Variants in STK3 observed in about 807,000 individuals in gnomAD.
STK3 encodes serine/threonine-protein kinase 3.
STK3 carries 41 observed loss-of-function variants against 58.0 expected under a neutral mutation model. The observed-to-expected ratio is 0.71, with a 90% CI of 0.55 to 0.92. The LOEUF (loss-of-function observed/expected upper bound fraction) is 0.92, where lower values mean the gene tolerates loss of function less well. STK3 is among the 40% of genes least tolerant of loss of function. The probability of loss-of-function intolerance (pLI) is 0.00; values close to 1 mark genes in which losing one functional copy is unlikely to be tolerated. For missense variants in STK3, 479 were observed against 602.7 expected (o/e 0.79, Z 2.15); for synonymous variants, 170 against 191.0 (o/e 0.89, Z 0.91).
intron 10 of STK3, among the ~76,000 whole-genome samples, chr8:98,477,727 G>GGGGGGGGGGGC (rs1821484739): frequency 9.7e-6 from 1 of 102,914 alleles, no homozygotes; most frequent in Non-Finnish European, 2.1e-5. Context: ...TGGGCGGGGG[G>GGGGGGGGGGGC]GGGCCCTAAT....
intron 4 of STK3, among the ~76,000 whole-genome samples, chr8:98,745,179 C>T (rs553423584): frequency 6.6e-6 from 1 of 152,164 alleles, no homozygotes; most frequent in East Asian, 1.9e-4. Flanking sequence ...TATGTTTTAC[C>T]AAAAAAGCTT....
At chr8:98,398,277 C>T (rs1279863836), downstream of STK3, among the ~76,000 whole-genome samples, 1 of 152,006 alleles carries the variant, frequency 6.6e-6, no homozygotes, top group Non-Finnish European at 1.5e-5. Flanking sequence ...CCATTCCTAC[C>T]CAAAGCTTTG....
chr8:98,699,776 G>C (rs1459578733), intron 6 of STK3, among the ~76,000 whole-genome samples: 2 of 152,188 alleles, frequency 1.3e-5, no homozygotes, highest in Non-Finnish European at 2.9e-5. Flanking sequence ...GCCCCTACTT[G>C]GGGGTGCCTC....
intron 1 of STK3, among the ~76,000 whole-genome samples, chr8:98,803,723 C>A (rs1587665445): frequency 6.6e-6 from 1 of 151,276 alleles, no homozygotes; most frequent in African/African-American, 2.4e-5. Context: ...GAAACTAATA[C>A]TTCTAAAATG....
At chr8:98,797,654 C>A (rs1479313947) in intron 1 of STK3, among the ~76,000 whole-genome samples, 1 of 152,176 alleles carries the variant, frequency 6.6e-6, no homozygotes, top group East Asian at 1.9e-4. Context: ...TCAAACTGCA[C>A]ACTTAGAGAA....
intron 6 of STK3, among the ~76,000 whole-genome samples, chr8:98,661,370 C>T (rs1293790885): frequency 6.6e-6 from 1 of 151,922 alleles, no homozygotes; most frequent in Non-Finnish European, 1.5e-5. Flanking sequence ...AAATACTAAC[C>T]ACATCTTATT....
At chr8:98,524,366 G>C (rs536498284) in intron 10 of STK3, among the ~76,000 whole-genome samples, 2 of 152,180 alleles carry the variant, frequency 1.3e-5, no homozygotes, top group African/African-American at 4.8e-5. Flanking sequence ...ATTTTAGGAT[G>C]AGTTTTTTTC....
downstream of STK3, among the ~76,000 whole-genome samples, chr8:98,368,150 A>G (rs1488564130): frequency 6.6e-6 from 1 of 152,184 alleles, no homozygotes; most frequent in African/African-American, 2.4e-5. Context: ...TGCAAGAAGC[A>G]ATATGTTGAA....
intron 8 of STK3, among the ~76,000 whole-genome samples, chr8:98,565,536 T>C (rs1176442560): frequency 6.6e-6 from 1 of 152,136 alleles, no homozygotes; most frequent in Non-Finnish European, 1.5e-5. Context: ...AATTTCAATA[T>C]GTATATGCTT....
intron 6 of STK3, among the ~76,000 whole-genome samples, chr8:98,596,899 A>C (rs1412551420): frequency 5.3e-5 from 8 of 152,304 alleles, no homozygotes; most frequent in African/African-American, 1.9e-4. Flanking sequence ...AAACAAAAAC[A>C]AAAACCTGAA....
intron 3 of STK3, among the ~76,000 whole-genome samples, chr8:98,421,094 C>T (rs1022976121): frequency 2.0e-5 from 3 of 152,198 alleles, no homozygotes; most frequent in African/African-American, 7.2e-5. Flanking sequence ...GAGGCTCCTC[C>T]ACTCCCTGAA....
intron 3 of STK3, among the ~76,000 whole-genome samples, chr8:98,766,299 G>C (rs998948263): frequency 1.3e-5 from 2 of 152,198 alleles, no homozygotes; most frequent in Non-Finnish European, 2.9e-5. Flanking sequence ...TCCTGGCACA[G>C]TACCGGGTCA....
chr8:98,655,707 T>C (rs1176332882), intron 6 of STK3, among the ~76,000 whole-genome samples: 16 of 151,974 alleles, frequency 1.1e-4, no homozygotes, highest in Admixed American at 7.9e-4. Context: ...AAAGAAGACA[T>C]TTATGCAGCC....
At chr8:98,435,828 G>C (rs1173763561) in intron 2 of STK3, among the ~76,000 whole-genome samples, 2 of 152,154 alleles carry the variant, frequency 1.3e-5, no homozygotes, top group Admixed American at 6.5e-5. Context: ...GAGGGAGCCT[G>C]GCATGAGAAG....
intron 6 of STK3, among the ~76,000 whole-genome samples, chr8:98,654,549 T>C (rs887352955): frequency 2.6e-5 from 4 of 152,212 alleles, no homozygotes; most frequent in Non-Finnish European, 2.9e-5. Context: ...AAATTGTCCC[T>C]GTTTGCAGAT....
chr8:98,694,298 G>C (rs1446373877), intron 6 of STK3, among the ~76,000 whole-genome samples: 1 of 152,104 alleles, frequency 6.6e-6, no homozygotes, highest in Non-Finnish European at 1.5e-5. Context: ...TCCTTTATTT[G>C]TAAGTAGGTA....
intron 3 of STK3, chr8:98,427,883 G>T: frequency 9.3e-7 from 1 of 1,079,270 alleles, no homozygotes; most frequent in East Asian, 2.6e-5. Context: ...GTAGGGAGAG[G>T]GGGCCCCGCC....
chr8:98,691,611 A>G (rs892787097), intron 6 of STK3, among the ~76,000 whole-genome samples: 1 of 152,104 alleles, frequency 6.6e-6, no homozygotes, highest in African/African-American at 2.4e-5. Context: ...TACTAGAGAG[A>G]GGTTAAACAA....
chr8:98,604,683 T>C (rs1586988880), intron 6 of STK3, among the ~76,000 whole-genome samples: 1 of 152,208 alleles, frequency 6.6e-6, no homozygotes. Flanking sequence ...CTTTTAGTTA[T>C]GAAAATGGCT....
Sources: gnomAD v4.1 joint callset for allele counts (sites outside exome capture counted in the v4.1 genomes callset) on GRCh38, gnomAD v4.1.1 for gene constraint, MANE v1.5 for transcripts, NCBI Gene and HGNC (gene_info 2026-07-23, HGNC 2026-07-21) for gene names.